LRRC3B: variants seen among roughly 807,000 people sequenced by gnomAD.
The protein encoded by LRRC3B is leucine-rich repeat-containing protein 3B.
In LRRC3B, 2 loss-of-function variants were observed where a neutral mutation model predicts 12.8. The observed-to-expected ratio is 0.16, with a 90% CI of 0.06 to 0.49. The LOEUF (loss-of-function observed/expected upper bound fraction) is 0.49, where lower values mean the gene tolerates loss of function less well. LRRC3B is among the 20% of genes least tolerant of loss of function. The pLI is 0.96. For synonymous variants in LRRC3B, 132 were observed against 122.0 expected (o/e 1.08, Z -0.54); for missense variants, 189 against 319.4 (o/e 0.59, Z 3.11).
At position 26,671,373 on chromosome 3, in the gene LRRC3B, TAGAGAGAG is replaced by T. The variant is rs1195473054; in HGVS notation, c.-160-38106_-160-38099del. ...GTGTATATATATATATATATATATA[TAGAGAGAG>T]AGAGAGAGAGAGAGAGAGAGAGAGA... On this transcript the variant is annotated intron_variant, in intron 1 of 1. Coordinates refer to ENST00000396641, the Ensembl canonical transcript of LRRC3B. Among the ~76,000 whole-genome samples the T allele has an allele frequency of 7.7e-3, 218 of 28,248 alleles. 4 individuals are homozygous for T. The highest frequency in any genetic ancestry group is 0.029 in the African/African-American group (197 of 6,856). 18.5% of individuals were successfully genotyped at this position (28,248 alleles called of 152,430 possible).
intron 1 of LRRC3B, among the ~76,000 whole-genome samples, chr3:26,646,785 C>T (rs1699160208): frequency 6.6e-6 from 1 of 151,984 alleles, no homozygotes; most frequent in Non-Finnish European, 1.5e-5. Context: ...CCAAAGCTAG[C>T]CTCCAGATGG....
chr3:26,629,323 G>A (rs9825905), intron 1 of LRRC3B, among the ~76,000 whole-genome samples: 174 of 152,060 alleles, frequency 1.1e-3, no homozygotes, highest in African/African-American at 4.1e-3. Flanking sequence ...TAACTTACTG[G>A]GAGAGACTGC....
chr3:26,703,753 C>T (rs906502717), intron 1 of LRRC3B, among the ~76,000 whole-genome samples: 3 of 151,266 alleles, frequency 2.0e-5, no homozygotes, highest in Non-Finnish European at 4.4e-5. Flanking sequence ...ATGGTGTGGC[C>T]ACTGTCCGTT....
chr3:26,636,974 C>CTT (rs1193566862), intron 1 of LRRC3B, among the ~76,000 whole-genome samples: 1,943 of 111,312 alleles, frequency 0.017, 8 homozygotes, highest in Middle Eastern at 0.036. Flanking sequence ...TTCTTTCTTT[C>CTT]TCTCTCTCTC....
At chr3:26,636,904 T>C (rs868590934) in intron 1 of LRRC3B, among the ~76,000 whole-genome samples, 2,573 of 86,386 alleles carry the variant, frequency 0.03, 139 homozygotes, top group East Asian at 0.039. Flanking sequence ...CTCTCTCTCT[T>C]TCTCTCTTTC....
chr3:26,674,107 G>A (rs1699808671), intron 1 of LRRC3B, among the ~76,000 whole-genome samples: 1 of 152,176 alleles, frequency 6.6e-6, no homozygotes, highest in African/African-American at 2.4e-5. Flanking sequence ...GCATTTTATA[G>A]GTGAGGAGAG....
intron 1 of LRRC3B, among the ~76,000 whole-genome samples, chr3:26,708,946 G>A (rs1700677663): frequency 6.6e-6 from 1 of 152,138 alleles, no homozygotes; most frequent in South Asian, 2.1e-4. Context: ...TATCCTGGAG[G>A]TTCTTGGTTG....
intron 1 of LRRC3B, among the ~76,000 whole-genome samples, chr3:26,689,947 T>A (rs779578706): frequency 6.6e-6 from 1 of 152,088 alleles, no homozygotes; most frequent in Non-Finnish European, 1.5e-5. Context: ...ATGCTCAGGG[T>A]GGATTGTGCC....
At chr3:26,681,617 G>A (rs1216190580) in intron 1 of LRRC3B, among the ~76,000 whole-genome samples, 1 of 152,126 alleles carries the variant, frequency 6.6e-6, no homozygotes, top group Non-Finnish European at 1.5e-5. Flanking sequence ...AGGTGAAATA[G>A]GATAACATGA....
At chr3:26,683,564 G>C (rs1379771629) in intron 1 of LRRC3B, among the ~76,000 whole-genome samples, 4 of 152,314 alleles carry the variant, frequency 2.6e-5, no homozygotes, top group African/African-American at 9.6e-5. Context: ...AGGAATAAAA[G>C]CACAGCCGTA....
chr3:26,689,455 T>C (rs989590068), intron 1 of LRRC3B, among the ~76,000 whole-genome samples: 2 of 152,210 alleles, frequency 1.3e-5, no homozygotes, highest in African/African-American at 4.8e-5. Flanking sequence ...CCTGGGTGGC[T>C]TTCCCGGAGA....
At chr3:26,704,633 C>T (rs1700539953) in intron 1 of LRRC3B, among the ~76,000 whole-genome samples, 1 of 151,958 alleles carries the variant, frequency 6.6e-6, no homozygotes, top group Non-Finnish European at 1.5e-5. Context: ...CTTCTGGGCT[C>T]AAATAATCCT....
chr3:26,653,335 T>C (rs766266184), intron 1 of LRRC3B, among the ~76,000 whole-genome samples: 17 of 150,152 alleles, frequency 1.1e-4, no homozygotes, highest in Non-Finnish European at 1.9e-4. Context: ...CTCCAAGAAA[T>C]CTAGAATTTC....
chr3:26,706,358 T>C (rs1409337809), intron 1 of LRRC3B, among the ~76,000 whole-genome samples: 1 of 152,154 alleles, frequency 6.6e-6, no homozygotes, highest in Non-Finnish European at 1.5e-5. Flanking sequence ...CCTGCATCTT[T>C]TGTCACTTTA....
chr3:26,631,896 G>C (rs938584955), intron 1 of LRRC3B, among the ~76,000 whole-genome samples: 1 of 152,032 alleles, frequency 6.6e-6, no homozygotes, highest in African/African-American at 2.4e-5. Context: ...CAGTTATATG[G>C]GTTTATAATG....
chr3:26,664,962 C>T (rs905898999), intron 1 of LRRC3B, among the ~76,000 whole-genome samples: 1 of 151,058 alleles, frequency 6.6e-6, no homozygotes, highest in African/African-American at 2.4e-5. Context: ...GGATAGGGTA[C>T]AAGAATTTAC....
At chr3:26,651,190 A>G (rs950635500) in intron 1 of LRRC3B, among the ~76,000 whole-genome samples, 18 of 152,244 alleles carry the variant, frequency 1.2e-4, no homozygotes, top group Non-Finnish European at 2.5e-4. Context: ...TCTGAGACTC[A>G]TAAGTACTAG....
intron 1 of LRRC3B, among the ~76,000 whole-genome samples, chr3:26,696,757 T>C (rs1224673854): frequency 6.6e-6 from 1 of 152,214 alleles, no homozygotes; most frequent in Non-Finnish European, 1.5e-5. Context: ...TAGATCATAA[T>C]TTAACTTTCT....
At chr3:26,705,321 G>A (rs1366346536) in intron 1 of LRRC3B, among the ~76,000 whole-genome samples, 6 of 151,840 alleles carry the variant, frequency 4.0e-5, no homozygotes, top group Admixed American at 6.6e-5. Flanking sequence ...GGGGTGCAGT[G>A]CATACTTAAA....
Sources: allele counts gnomAD v4.1 joint callset (sites outside exome capture counted in the v4.1 genomes callset), GRCh38; gene constraint gnomAD v4.1.1; transcripts MANE v1.5; gene names NCBI Gene and HGNC (gene_info 2026-07-23, HGNC 2026-07-21).